ADGRV1: variants seen among roughly 807,000 people sequenced by gnomAD.
The protein encoded by ADGRV1 is G-protein coupled receptor 98.
In ADGRV1, 359 loss-of-function variants were observed where a neutral mutation model predicts 596.2. That is an observed-to-expected ratio of 0.60 (90% confidence interval 0.55 to 0.66). The LOEUF is 0.66. Among genes scored for constraint, ADGRV1 ranks in the 30% least tolerant of loss-of-function variants. ADGRV1 has a pLI of 0.00. For synonymous variants in ADGRV1, 2,681 were observed against 2,679.2 expected (o/e 1.00, Z -0.02); for missense variants, 7,274 against 7,575.6 (o/e 0.96, Z 1.48).
chr5:90,756,599 C>G lies in ADGRV1; in HGVS notation c.11726C>G (p.Pro3909Arg), dbSNP rs770004597. Residue 3909 changes from proline (P) to arginine (R), a missense_variant, in exon 56 of 90, where the codon CCC becomes CGC. By Grantham distance (103) the Pro-to-Arg change is moderately radical. This residue lies in a region of ADGRV1 where 3,643 missense variants were observed against 3,809.2 expected (regional missense o/e 0.96). Transcript: ENST00000405460. ...ATAATGATAGAAGAAAATGACGATCCCAGAGGAATTTTTATGTTTCATGTT... is the reference window on the plus strand; with the variant it reads ...ATAATGATAGAAGAAAATGACGATCGCAGAGGAATTTTTATGTTTCATGTT... ...AEIMIEENDD[P>R]RGIFMFHVTR... 1 of 1,613,444 alleles carries G rather than the reference C, an allele frequency of 6.2e-7. No homozygotes were observed. The highest frequency in any genetic ancestry group is 8.5e-7 in the Non-Finnish European group (1 of 1,179,612).
At chr5:91,103,491 C>G (rs1791574337) in intron 87 of ADGRV1, among the ~76,000 whole-genome samples, 1 of 151,320 alleles carries the variant, frequency 6.6e-6, no homozygotes, top group South Asian at 2.1e-4. Context: ...GCAGAGCCAT[C>G]AGGGCAGAGG....
At chr5:90,864,060 T>C (rs1358087684) in intron 83 of ADGRV1, among the ~76,000 whole-genome samples, 1 of 151,926 alleles carries the variant, frequency 6.6e-6, no homozygotes, top group East Asian at 1.9e-4. Context: ...GAGAAGCACC[T>C]TAATATCATC....
chr5:90,963,671 AG>A (rs1778211122), intron 83 of ADGRV1, among the ~76,000 whole-genome samples: 2 of 151,930 alleles, frequency 1.3e-5, no homozygotes, highest in African/African-American at 4.8e-5. Flanking sequence ...GTCTTGGAGT[AG>A]AAAGGGACTT....
intron 67 of ADGRV1, among the ~76,000 whole-genome samples, chr5:90,786,792 T>G (rs1320871769): frequency 6.6e-6 from 1 of 152,170 alleles, no homozygotes; most frequent in Non-Finnish European, 1.5e-5. Flanking sequence ...ATGCAGAAGC[T>G]CAAGGAGAAA....
intron 84 of ADGRV1, among the ~76,000 whole-genome samples, chr5:90,970,966 T>G (rs1171254037): frequency 2.0e-5 from 3 of 152,136 alleles, no homozygotes; most frequent in African/African-American, 7.2e-5. Context: ...AAAAAAGATT[T>G]GACAAATGGC....
chr5:90,862,388 A>C (rs575213644), intron 82 of ADGRV1, among the ~76,000 whole-genome samples: 1 of 152,234 alleles, frequency 6.6e-6, no homozygotes, highest in African/African-American at 2.4e-5. Context: ...AGACATACAC[A>C]TGCACACATA....
intron 87 of ADGRV1, among the ~76,000 whole-genome samples, chr5:91,108,655 C>T (rs1272367406): frequency 6.6e-6 from 1 of 152,098 alleles, no homozygotes; most frequent in East Asian, 1.9e-4. Flanking sequence ...AGGGCAACGA[C>T]GTGATCATAG....
chr5:90,683,897 A>C lies in ADGRV1; in HGVS notation c.5976A>C (p.Glu1992Asp), dbSNP rs1745266085. The change falls in exon 28 of 90, where the codon GAA (glutamate) becomes GAC (aspartate). Residue 1992 changes from glutamate to aspartate, a missense_variant. Around this residue, in one of 5 missense-constraint regions of ADGRV1, gnomAD observed 3,643 missense variants for 3,809.2 expected, o/e 0.96. Transcript: ENST00000405460. Reference sequence around the variant, plus strand: ...AAAACAGACCTGTTAAAGTTGAGGAAGCAACCCAGAACATCACACTATCAA... The same window carrying C: ...AAAACAGACCTGTTAAAGTTGAGGACGCAACCCAGAACATCACACTATCAA... ...SEKNRPVKVEEATQNITLSII... is the reference protein window; with the variant it reads ...SEKNRPVKVEDATQNITLSII... 2 of 1,613,488 alleles carry C rather than the reference A, an allele frequency of 1.2e-6. No individual in the cohort carries two copies. Among genetic ancestry groups the C allele is most frequent in the African/African-American group, 1.3e-5 (1 of 74,914 alleles).
Position 90,855,914 on chromosome 5 carries a change from AT to A in ADGRV1, c.17755+18del. ...ATATGTATCTCAGGTCAGTGACAGT[AT>A]TTTTGAATCAATGGTTATAAATATT... is the stretch of plus-strand genomic sequence containing the variant. On this transcript the variant is annotated intron_variant, in intron 82 of 89. Transcript: ENST00000405460. The A allele has an allele frequency of 6.3e-7, 1 of 1,590,480 alleles. No individual in the cohort carries two copies. Among genetic ancestry groups the A allele is most frequent in the Non-Finnish European group, 8.6e-7 (1 of 1,161,952 alleles).
At chr5:91,149,428 G>C (rs1268523918) in intron 87 of ADGRV1, among the ~76,000 whole-genome samples, 1 of 152,116 alleles carries the variant, frequency 6.6e-6, no homozygotes, top group African/African-American at 2.4e-5. Context: ...TGCACTCATT[G>C]TTTCTCCTGC....
chr5:90,615,455 A>T (rs1182880166), intron 2 of ADGRV1, among the ~76,000 whole-genome samples: 1 of 151,936 alleles, frequency 6.6e-6, no homozygotes. Context: ...TAAGTATATT[A>T]ACTTAAGTAA....
At chr5:91,061,455 A>C (rs1304771621) in intron 85 of ADGRV1, among the ~76,000 whole-genome samples, 1 of 152,206 alleles carries the variant, frequency 6.6e-6, no homozygotes, top group Non-Finnish European at 1.5e-5. Flanking sequence ...AAATATATTT[A>C]ACTCCTTAAT....
Position 90,711,230 on chromosome 5 carries a change from A to AG in ADGRV1, c.8952dup (p.Ser2985GlufsTer36), listed in dbSNP as rs749231340. ...TGGAAGTTTAACATTGGTAGCCCAG[A>AG]GGAGCAGAGAACCTCTTGGCCATGT... On this transcript the variant is annotated frameshift_variant, in exon 41 of 90. Coordinates refer to ENST00000405460, the MANE Select transcript of ADGRV1 (RefSeq NM_032119.4). LOFTEE classifies it high-confidence loss of function. 6.2e-7 allele frequency: 1 copy of AG among 1,613,204 alleles called. No individual in the cohort carries two copies. The highest frequency in any genetic ancestry group is 8.5e-7 in the Non-Finnish European group (1 of 1,179,294).
chr5:91,162,986 G>C (rs989409974), intron 89 of ADGRV1, among the ~76,000 whole-genome samples: 1 of 152,128 alleles, frequency 6.6e-6, no homozygotes, highest in African/African-American at 2.4e-5. Context: ...TGTGTGTAGA[G>C]AGGATGAGAG....
intron 85 of ADGRV1, among the ~76,000 whole-genome samples, chr5:90,995,429 A>G (rs1029766082): frequency 2.0e-5 from 3 of 152,190 alleles, no homozygotes; most frequent in African/African-American, 4.8e-5. Flanking sequence ...TTTCCAGGCT[A>G]TATGAGTCTA....
chr5:90,897,579 G>A (rs1371030921), intron 83 of ADGRV1, among the ~76,000 whole-genome samples: 5 of 151,942 alleles, frequency 3.3e-5, no homozygotes, highest in Non-Finnish European at 5.9e-5. Flanking sequence ...TCCTTTTTGT[G>A]CCCCCAAGGT....
chr5:90,902,556 T>A (rs370973685), intron 83 of ADGRV1, among the ~76,000 whole-genome samples: 119 of 152,274 alleles, frequency 7.8e-4, no homozygotes, highest in African/African-American at 2.2e-3. Context: ...TGTTTCAATA[T>A]ATGCGCATCA....
intron 87 of ADGRV1, among the ~76,000 whole-genome samples, chr5:91,127,647 A>G (rs907383716): frequency 6.6e-6 from 1 of 152,200 alleles, no homozygotes; most frequent in South Asian, 2.1e-4. Flanking sequence ...TAAACAGTCC[A>G]TATAATCATA....
chr5:90,613,455 A>G (rs60651883), intron 1 of ADGRV1, among the ~76,000 whole-genome samples: 27,632 of 151,910 alleles, frequency 0.18, 2,695 homozygotes, highest in East Asian at 0.4. Context: ...CATTTCTCTC[A>G]TCTTTTTCAT....
Sources: allele counts gnomAD v4.1 joint callset (sites outside exome capture counted in the v4.1 genomes callset), GRCh38; gene constraint gnomAD v4.1.1; regional missense constraint gnomAD v4.1.1; transcripts MANE v1.5; gene names NCBI Gene and HGNC (gene_info 2026-07-23, HGNC 2026-07-21).